The following SORCS1 variants were observed in gnomAD, a reference collection of about 807,000 sequenced individuals.
The protein encoded by SORCS1 is VPS10 domain-containing receptor SorCS1.
A neutral mutation model predicts 146.1 loss-of-function variants in SORCS1; 60 were observed. The observed-to-expected ratio is 0.41, with a 90% CI of 0.33 to 0.51. SORCS1 has a LOEUF of 0.51. SORCS1 is among the 20% of genes least tolerant of loss of function. The pLI is 0.21. For missense variants in SORCS1, 1,352 were observed against 1,487.6 expected, an observed-to-expected ratio of 0.91 and a Z score of 1.50; for synonymous variants, 637 against 584.0, an observed-to-expected ratio of 1.09 and a Z score of -1.31.
At chr10:106,905,086 G>A (rs1353213397) in intron 2 of SORCS1, among the ~76,000 whole-genome samples, 1 of 151,952 alleles carries the variant, frequency 6.6e-6, no homozygotes, top group Non-Finnish European at 1.5e-5. Context: ...ATTGAAGAAA[G>A]TAGAAAAATA....
In SORCS1 at chr10:106,618,133, T is replaced by C. The variant is rs2133470826; in HGVS notation, c.2920+16A>G. 1 of 1,613,768 alleles carries C rather than the reference T, an allele frequency of 6.2e-7. No individual in the cohort carries two copies. Among genetic ancestry groups the C allele is most frequent in the Non-Finnish European group, 8.5e-7 (1 of 1,179,768 alleles). On this transcript the variant is annotated intron_variant, in intron 21 of 25. Coordinates refer to ENST00000263054, the MANE Select transcript of SORCS1 (RefSeq NM_052918.5). ...AGCATGAAGACAGCAGTAGATCCAC[T>C]GAGATGGGCACTCACCATATACTGC...
chr10:106,680,673 GT>G (rs766075459), intron 10 of SORCS1, among the ~76,000 whole-genome samples: 47 of 152,160 alleles, frequency 3.1e-4, no homozygotes, highest in Non-Finnish European at 5.4e-4. Flanking sequence ...GTTTAAAATA[GT>G]TCTTGTACTG....
intron 2 of SORCS1, among the ~76,000 whole-genome samples, chr10:106,948,599 G>A (rs1954493224): frequency 6.6e-6 from 1 of 151,660 alleles, no homozygotes; most frequent in African/African-American, 2.4e-5. Context: ...GCTTGTGGCT[G>A]CAGTGAGCTA....
intron 1 of SORCS1, among the ~76,000 whole-genome samples, chr10:107,027,203 G>C (rs1958447193): frequency 6.6e-6 from 1 of 151,782 alleles, no homozygotes; most frequent in Non-Finnish European, 1.5e-5. Context: ...GTTTAAAATA[G>C]AATCAGGGGA....
chr10:106,621,305 ACCCTCAATCTT>A (rs1225692731), intron 19 of SORCS1, among the ~76,000 whole-genome samples: 4 of 152,044 alleles, frequency 2.6e-5, no homozygotes, highest in African/African-American at 9.7e-5. Context: ...CTTTCCTTCA[ACCCTCAATCTT>A]CTCTTTGAGT....
intron 9 of SORCS1, among the ~76,000 whole-genome samples, chr10:106,689,658 C>T (rs542111725): frequency 1.3e-5 from 2 of 152,264 alleles, no homozygotes; most frequent in Admixed American, 1.3e-4. Flanking sequence ...ACAAAACCTC[C>T]AATACTCACT....
At chr10:106,654,844 A>G (rs1448363243) in intron 17 of SORCS1, among the ~76,000 whole-genome samples, 1 of 151,390 alleles carries the variant, frequency 6.6e-6, no homozygotes, top group Non-Finnish European at 1.5e-5. Context: ...TTTGAACATC[A>G]TTCCATCTGA....
rs1854237883 is a variant in SORCS1, at chr10:106,702,947, C to T, written c.1234-3554G>A. Reference sequence around the variant, plus strand: ...AGGAGGAAGGGATCCTTTGGTAAAACATATTAATTAATGGTGAATTAAAGA... The same window carrying T: ...AGGAGGAAGGGATCCTTTGGTAAAATATATTAATTAATGGTGAATTAAAGA... On this transcript the variant is annotated intron_variant, in intron 8 of 25. Transcript: ENST00000263054. Among the ~76,000 whole-genome samples, 8 of 152,256 alleles carry T rather than the reference C, an allele frequency of 5.3e-5. No individual in the cohort carries two copies. In the South Asian group the frequency reaches 1.7e-3, roughly 32 times the overall value.
At chr10:106,756,220 C>T (rs1248750930) in intron 5 of SORCS1, among the ~76,000 whole-genome samples, 1 of 151,842 alleles carries the variant, frequency 6.6e-6, no homozygotes, top group Admixed American at 6.6e-5. Context: ...CATAAGACAA[C>T]ACAAAGAAAA....
intron 6 of SORCS1, among the ~76,000 whole-genome samples, chr10:106,712,590 A>G (rs932243242): frequency 1.8e-4 from 27 of 152,122 alleles, no homozygotes; most frequent in African/African-American, 6.0e-4. Context: ...AATATCAACT[A>G]TCTTGTACTT....
chr10:107,006,129 T>G (rs897156753), intron 1 of SORCS1, among the ~76,000 whole-genome samples: 1 of 152,218 alleles, frequency 6.6e-6, no homozygotes, highest in Non-Finnish European at 1.5e-5. Flanking sequence ...GAACTCTCAT[T>G]TATGTACTCA....
intron 3 of SORCS1, among the ~76,000 whole-genome samples, chr10:106,780,105 C>T (rs973512349): frequency 6.6e-6 from 1 of 152,074 alleles, no homozygotes; most frequent in African/African-American, 2.4e-5. Context: ...CCTTAACATA[C>T]TTGAGAAACA....
At chr10:107,046,358 G>A (rs972764459) in intron 1 of SORCS1, among the ~76,000 whole-genome samples, 8 of 151,992 alleles carry the variant, frequency 5.3e-5, no homozygotes, top group South Asian at 2.1e-4. Context: ...AGGCATGAGC[G>A]ACTGTATGTG....
intron 1 of SORCS1, among the ~76,000 whole-genome samples, chr10:107,008,218 G>T (rs1220456656): frequency 6.6e-6 from 1 of 152,016 alleles, no homozygotes; most frequent in Non-Finnish European, 1.5e-5. Flanking sequence ...TTTTCATAAA[G>T]CCACTCAAAA....
Position 106,757,722 on chromosome 10 carries a change from T to A in SORCS1, c.959+3866A>T, listed in dbSNP as rs537617431. On this transcript the variant is annotated intron_variant, in intron 5 of 25. Transcript: ENST00000263054. ...TTTGGGCTCTCACCACTGATATGCC[T>A]GAGTGGGCTAGATTTCCAGGGCTCA... Among the ~76,000 whole-genome samples the A allele has an allele frequency of 4.6e-5, 7 of 152,322 alleles. No individual in the cohort carries two copies. The South Asian group carries it at 1.0e-3, about 23-fold the overall frequency.
Position 106,706,762 on chromosome 10 carries a change from A to G in SORCS1, c.1144-128T>C, listed in dbSNP as rs560280173. 9 of 806,556 alleles carry G rather than the reference A, an allele frequency of 1.1e-5. No individual in the cohort carries two copies. In the East Asian group the frequency reaches 2.4e-4, roughly 22 times the overall value. 50.0% of individuals were successfully genotyped at this position (806,556 alleles called of 1,614,324 possible). A position where few individuals can be genotyped will look rare whatever the true frequency, so the allele number is the denominator to read the frequency against. The stretch of plus-strand genomic sequence containing the variant: ...ATGGCATTAATGTCTATTGCGGACA[A>G]GTGTAAAGAATTGGCCTTCAGTTCA... On this transcript the variant is annotated intron_variant, in intron 7 of 25. Coordinates refer to ENST00000263054, the MANE Select transcript of SORCS1 (RefSeq NM_052918.5).
At chr10:106,640,707 T>A (rs889409832) in intron 18 of SORCS1, among the ~76,000 whole-genome samples, 11 of 152,202 alleles carry the variant, frequency 7.2e-5, no homozygotes, top group Admixed American at 5.9e-4. Flanking sequence ...GTTATTGTGT[T>A]GAAAGTCTAT....
chr10:106,976,339 T>TTTG (rs1564878039), intron 1 of SORCS1, among the ~76,000 whole-genome samples: 7 of 140,856 alleles, frequency 5.0e-5, no homozygotes, highest in African/African-American at 2.0e-4. Flanking sequence ...TTTTGTTTTT[T>TTTG]TTTTTTTTTT....
chr10:107,011,451 T>C (rs561913846), intron 1 of SORCS1, among the ~76,000 whole-genome samples: 3 of 152,326 alleles, frequency 2.0e-5, no homozygotes, highest in Non-Finnish European at 2.9e-5. Context: ...CCTCAAACAA[T>C]TGCTCTCCTT....
Sources: allele counts gnomAD v4.1 joint callset (sites outside exome capture counted in the v4.1 genomes callset), GRCh38; gene constraint gnomAD v4.1.1; transcripts MANE v1.5; gene names NCBI Gene and HGNC (gene_info 2026-07-23, HGNC 2026-07-21).